GTF2IRD1: variants seen among roughly 807,000 people sequenced by gnomAD.
GTF2IRD1 encodes general transcription factor II-I repeat domain-containing protein 1.
Under a neutral mutation model 113.2 loss-of-function variants are expected in GTF2IRD1, and 26 were observed. That is an observed-to-expected ratio of 0.23 (90% CI 0.17 to 0.32). The LOEUF is 0.32. Among genes scored for constraint, GTF2IRD1 ranks in the 10% least tolerant of loss-of-function variants. GTF2IRD1 has a pLI of 1.00. For synonymous variants in GTF2IRD1, 484 were observed against 529.1 expected (o/e 0.91, Z 1.17); for missense variants, 864 against 1,280.8 (o/e 0.67, Z 4.97).
intron 4 of GTF2IRD1, among the ~76,000 whole-genome samples, chr7:74,517,001 T>TTTG (rs374786237): frequency 0.042 from 3,815 of 90,208 alleles, 85 homozygotes; most frequent in African/African-American, 0.14. Context: ...CTCTCCTGTC[T>TTTG]TTGTTGTTGT....
chr7:74,573,258 C>G (rs1554363182), intron 22 of GTF2IRD1, among the ~76,000 whole-genome samples: 1 of 151,784 alleles, frequency 6.6e-6, no homozygotes. Context: ...AAAAATGAGC[C>G]AGGCATGAGG....
At chr7:74,589,971 CG>C in intron 23 of GTF2IRD1, 43 bp downstream of exon 23, 3 of 1,333,550 alleles carry the variant, frequency 2.2e-6, no homozygotes, top group Non-Finnish European at 3.2e-6. Flanking sequence ...GCCCTCCTCC[CG>C]GGGGTGGTGG....
intron 1 of GTF2IRD1, among the ~76,000 whole-genome samples, chr7:74,459,933 G>A (rs1033629948): frequency 1.3e-5 from 2 of 151,904 alleles, no homozygotes; most frequent in African/African-American, 4.8e-5. Flanking sequence ...GATCTGGAGC[G>A]AGTTTGAATC....
rs77104027 is a variant in GTF2IRD1 at position 74,573,579 on chromosome 7, G to A, written c.2320+13924G>A. The stretch of plus-strand genomic sequence containing the variant: ...AGCAACCAGCACCTTTATTTGGGCT[G>A]GAATGAGATCAGCACCGAGGGGTCG... On this transcript the variant is annotated intron_variant, in intron 22 of 26. Transcript: ENST00000424337. Among the ~76,000 whole-genome samples, 376 of 152,266 alleles carry A rather than the reference G, an allele frequency of 2.5e-3. 2 individuals are homozygous for A. Among genetic ancestry groups the A allele is most frequent in the African/African-American group, 8.5e-3 (355 of 41,558 alleles).
At chr7:74,496,408 T>A (rs1170684162) in intron 1 of GTF2IRD1, among the ~76,000 whole-genome samples, 5 of 145,482 alleles carry the variant, frequency 3.4e-5, no homozygotes, top group African/African-American at 1.3e-4. Flanking sequence ...TGTGTGTGCA[T>A]GTGGGTGTCA....
At chr7:74,568,652 A>T (rs1800492636) in intron 22 of GTF2IRD1, among the ~76,000 whole-genome samples, 1 of 151,296 alleles carries the variant, frequency 6.6e-6, no homozygotes, top group Non-Finnish European at 1.5e-5. Flanking sequence ...TGTCTCAAAA[A>T]AGAAGAAGAA....
chr7:74,463,289 G>A (rs189272367), intron 1 of GTF2IRD1, among the ~76,000 whole-genome samples: 91 of 152,248 alleles, frequency 6.0e-4, no homozygotes, highest in African/African-American at 2.1e-3. Flanking sequence ...AGGCTGGAGT[G>A]CAGTGGTGCA....
chr7:74,523,737 A>C (rs766069446), intron 7 of GTF2IRD1, among the ~76,000 whole-genome samples: 201 of 152,048 alleles, frequency 1.3e-3, no homozygotes, highest in Middle Eastern at 0.01. Context: ...AAAAAAAAAC[A>C]TAAGACTCGA....
chr7:74,575,820 CAG>C (rs1473353861), intron 22 of GTF2IRD1, among the ~76,000 whole-genome samples: 16 of 152,198 alleles, frequency 1.1e-4, no homozygotes, highest in Non-Finnish European at 1.8e-4. Flanking sequence ...AGTTGGGGCT[CAG>C]GGGAGCAGTC....
rs1554374390 is a variant in GTF2IRD1, at chr7:74,602,322, A to G, written c.2767-43A>G. 5 of 1,597,486 alleles carry G rather than the reference A, an allele frequency of 3.1e-6. No homozygotes were observed. The South Asian group carries it at 4.6e-5, about 15-fold the overall frequency. On this transcript the variant is annotated intron_variant, in intron 26 of 26. Transcript: ENST00000424337. Reference sequence around the variant, plus strand: ...ACTAAGCATTTTGGGTTTGTTCCGCATCACCTGGAGTCCTAATCCAGTCCC... The same window carrying G: ...ACTAAGCATTTTGGGTTTGTTCCGCGTCACCTGGAGTCCTAATCCAGTCCC...
chr7:74,600,596 A>ATGG (rs1802697080), intron 25 of GTF2IRD1, among the ~76,000 whole-genome samples: 1 of 152,104 alleles, frequency 6.6e-6, no homozygotes, highest in Admixed American at 6.6e-5. Flanking sequence ...CTATAACCCC[A>ATGG]GCTACTTGGG....
At chr7:74,519,832 G>C in intron 6 of GTF2IRD1, 113 bp downstream of exon 6, 1 of 726,390 alleles carries the variant, frequency 1.4e-6, no homozygotes, top group Non-Finnish European at 2.3e-6. Context: ...GTTGGAAGGA[G>C]CCATGTCTGG....
intron 1 of GTF2IRD1, among the ~76,000 whole-genome samples, chr7:74,477,529 AT>A (rs1219189651): frequency 6.6e-6 from 1 of 151,688 alleles, no homozygotes; most frequent in Non-Finnish European, 1.5e-5. Context: ...GGATCCTTCC[AT>A]CTGGGGCCAA....
At chr7:74,479,302 G>T (rs1794602515) in intron 1 of GTF2IRD1, among the ~76,000 whole-genome samples, 1 of 151,994 alleles carries the variant, frequency 6.6e-6, no homozygotes, top group Non-Finnish European at 1.5e-5. Context: ...ACCACTTCCT[G>T]CCCTGCCCTG....
intron 22 of GTF2IRD1, among the ~76,000 whole-genome samples, chr7:74,561,300 G>A (rs1554358982): frequency 1.4e-5 from 2 of 147,012 alleles, no homozygotes. Flanking sequence ...AGTGAGCCGA[G>A]ATCGCGCGAC....
intron 3 of GTF2IRD1, 167 bp from the exon 4 acceptor site, chr7:74,515,274 G>T: frequency 7.0e-7 from 1 of 1,421,288 alleles, no homozygotes; most frequent in South Asian, 1.3e-5. Context: ...CAGTGGGGTG[G>T]TTGGAATAGG....
intron 1 of GTF2IRD1, among the ~76,000 whole-genome samples, chr7:74,501,802 C>T (rs1554339600): frequency 6.6e-6 from 1 of 152,152 alleles, no homozygotes; most frequent in South Asian, 2.1e-4. Flanking sequence ...CAGGCACCTA[C>T]CACAGTGCCT....
chr7:74,601,467 G>A, intron 26 of GTF2IRD1: 1 of 1,440,752 alleles, frequency 6.9e-7, no homozygotes, highest in East Asian at 2.5e-5. Flanking sequence ...CCGCACCAGA[G>A]CTGGAGACAT....
In GTF2IRD1 at chr7:74,493,188, C is replaced by A. The variant is rs568603031; in HGVS notation, c.-6-14887C>A. On this transcript the variant is annotated intron_variant, in intron 1 of 26. Transcript: ENST00000424337. Reference sequence around the variant, plus strand: ...GCAGTGACGTGATCTCAGCTCACAGCATCCTTGACCTCCTGGGCTCAGGGG... The same window carrying A: ...GCAGTGACGTGATCTCAGCTCACAGAATCCTTGACCTCCTGGGCTCAGGGG... 5.0e-4 allele frequency among the ~76,000 whole-genome samples: 76 copies of A among 151,440 alleles called. 1 individual carries two copies. In the South Asian group the frequency reaches 0.015, roughly 29 times the overall value.
Sources: gnomAD v4.1 joint callset for allele counts (sites outside exome capture counted in the v4.1 genomes callset) on GRCh38, gnomAD v4.1.1 for gene constraint, MANE v1.5 for transcripts, NCBI Gene and HGNC (gene_info 2026-07-23, HGNC 2026-07-21) for gene names.